BBX: variants seen among roughly 807,000 people sequenced by gnomAD.
The protein encoded by BBX is HMG box transcription factor BBX.
BBX carries 30 observed loss-of-function variants against 100.2 expected under a neutral mutation model. That is an observed-to-expected ratio of 0.30 (90% CI 0.22 to 0.41). BBX has a LOEUF of 0.41. Ranked by LOEUF, BBX falls within the 10% of genes least tolerant of loss-of-function variation. The pLI, the probability that BBX is intolerant of heterozygous loss-of-function variation, is 1.00. For missense variants in BBX, 1,023 were observed against 1,129.8 expected (o/e 0.91, Z 1.35); for synonymous variants, 376 against 388.1 (o/e 0.97, Z 0.37).
chr3:107,728,537 C>A (rs1377600076), intron 5 of BBX, among the ~76,000 whole-genome samples: 1 of 152,086 alleles, frequency 6.6e-6, no homozygotes, highest in Non-Finnish European at 1.5e-5. Context: ...TTAAATAACA[C>A]AAAGTATACA....
intron 3 of BBX, among the ~76,000 whole-genome samples, chr3:107,654,569 A>G (rs1199396480): frequency 6.6e-6 from 1 of 152,210 alleles, no homozygotes; most frequent in Admixed American, 6.5e-5. Flanking sequence ...CTAGATTGTC[A>G]GCTCCAAAAT....
intron 3 of BBX, among the ~76,000 whole-genome samples, chr3:107,680,416 G>C (rs2059510137): frequency 6.6e-6 from 1 of 152,166 alleles, no homozygotes; most frequent in African/African-American, 2.4e-5. Flanking sequence ...AGTGGTAGTA[G>C]ACATGCAGAA....
intron 5 of BBX, among the ~76,000 whole-genome samples, chr3:107,719,110 T>G (rs1390856302): frequency 6.6e-6 from 1 of 152,036 alleles, no homozygotes; most frequent in Admixed American, 6.6e-5. Flanking sequence ...TTTAACCAGG[T>G]TTTGTGATAG....
chr3:107,737,212 AG>A (rs1350600258), intron 7 of BBX, among the ~76,000 whole-genome samples: 1 of 152,074 alleles, frequency 6.6e-6, no homozygotes, highest in African/African-American at 2.4e-5. Flanking sequence ...TAGTTATTCT[AG>A]GCATTTCATA....
At chr3:107,561,045 A>G (rs1250823065) in intron 2 of BBX, among the ~76,000 whole-genome samples, 2 of 152,100 alleles carry the variant, frequency 1.3e-5, no homozygotes, top group African/African-American at 4.8e-5. Context: ...TGCTAGTACC[A>G]CTCTCATAGT....
At chr3:107,537,104 G>A (rs1364748000) in intron 2 of BBX, among the ~76,000 whole-genome samples, 1 of 152,064 alleles carries the variant, frequency 6.6e-6, no homozygotes, top group Non-Finnish European at 1.5e-5. Context: ...TTAAATAGTA[G>A]TTCATCCTTT....
At chr3:107,788,525 G>T (rs919863236) in intron 13 of BBX, among the ~76,000 whole-genome samples, 2 of 152,038 alleles carry the variant, frequency 1.3e-5, no homozygotes, top group African/African-American at 4.8e-5. Flanking sequence ...GCTCACACCT[G>T]TAATCCCAGC....
rs536837711 is a variant in BBX, at chr3:107,559,008, G to A, written c.-84+32610G>A. Among the ~76,000 whole-genome samples, 7 of 152,300 alleles carry A rather than the reference G, an allele frequency of 4.6e-5. No individual in the cohort carries two copies. The East Asian group carries it at 1.4e-3, about 29-fold the overall frequency. On this transcript the variant is annotated intron_variant, in intron 2 of 17. Coordinates refer to ENST00000325805, the MANE Select transcript of BBX (RefSeq NM_001142568.3). ...TATGTGAGAGGCTTTTTAGGCAGAA[G>A]GAATAGCCTGAGAAAAGGCATAGTG...
intron 2 of BBX, among the ~76,000 whole-genome samples, chr3:107,644,199 A>G (rs940799638): frequency 2.0e-4 from 13 of 66,198 alleles, no homozygotes; most frequent in African/African-American, 1.4e-3. Context: ...TGAGCTCCTG[A>G]AAGAACTTAC....
intron 13 of BBX, among the ~76,000 whole-genome samples, chr3:107,779,286 A>G (rs1188283592): frequency 6.6e-6 from 1 of 151,794 alleles, no homozygotes; most frequent in Non-Finnish European, 1.5e-5. Flanking sequence ...GGAGTACTAA[A>G]CATCTTGCCC....
chr3:107,744,279 A>AT (rs1315830750), intron 7 of BBX, among the ~76,000 whole-genome samples: 1 of 152,072 alleles, frequency 6.6e-6, no homozygotes, highest in African/African-American at 2.4e-5. Flanking sequence ...TAAAGATGGG[A>AT]TTTTTTAGCA....
chr3:107,703,217 T>A (rs949152417), intron 3 of BBX, among the ~76,000 whole-genome samples: 6 of 152,156 alleles, frequency 3.9e-5, no homozygotes, highest in Admixed American at 1.3e-4. Flanking sequence ...TTTGGTGACT[T>A]TTTGATTAAG....
At chr3:107,729,966 A>G (rs906527910) in intron 6 of BBX, among the ~76,000 whole-genome samples, 2 of 152,130 alleles carry the variant, frequency 1.3e-5, no homozygotes, top group Non-Finnish European at 2.9e-5. Context: ...ATGTGCCTAT[A>G]GTCCTGGCTA....
rs562951523 is a variant in BBX at position 107,523,199 on chromosome 3, A to G, written c.-156+92A>G. On this transcript the variant is annotated intron_variant, in intron 1 of 17. Transcript: ENST00000325805. ...TGCGAGCCGCCGGGCTGCAGCCCCA[A>G]GGACTCCGCGGCAGGAGCAGCGGCG... The G allele has an allele frequency of 2.9e-5, 6 of 209,552 alleles. No homozygotes were observed. In the East Asian group the frequency reaches 5.2e-4, roughly 18 times the overall value. 13.0% of individuals were successfully genotyped at this position (209,552 alleles called of 1,614,324 possible). A position where few individuals can be genotyped will look rare whatever the true frequency, so the allele number is the denominator to read the frequency against.
rs1179510723 is a variant in BBX, at chr3:107,619,439, A to C, written c.-83-26397A>C. On this transcript the variant is annotated intron_variant, in intron 2 of 17. Transcript: ENST00000325805. ...AGCTTTCTTTAACACATTTAGATCC[A>C]CAGCAGATAGTATTCTAATTTGTTT... 2.0e-5 allele frequency among the ~76,000 whole-genome samples: 3 copies of C among 152,136 alleles called. No individual in the cohort carries two copies. In the East Asian group the frequency reaches 5.8e-4, roughly 29 times the overall value.
intron 2 of BBX, among the ~76,000 whole-genome samples, chr3:107,571,873 T>C (rs1017248163): frequency 6.6e-6 from 1 of 152,236 alleles, no homozygotes; most frequent in Non-Finnish European, 1.5e-5. Flanking sequence ...TGCATGTGTA[T>C]ATGTGTGTAT....
At chr3:107,788,419 G>A (rs1167953566) in intron 13 of BBX, among the ~76,000 whole-genome samples, 2 of 152,102 alleles carry the variant, frequency 1.3e-5, no homozygotes, top group Non-Finnish European at 2.9e-5. Context: ...ACAGCATGGG[G>A]GTACTGGATG....
At chr3:107,564,280 A>G (rs1274753478) in intron 2 of BBX, among the ~76,000 whole-genome samples, 2 of 152,022 alleles carry the variant, frequency 1.3e-5, no homozygotes, top group African/African-American at 2.4e-5. Flanking sequence ...TATAGTCTGT[A>G]TATTATTTGA....
intron 2 of BBX, among the ~76,000 whole-genome samples, chr3:107,628,907 A>G (rs1490122960): frequency 6.6e-6 from 1 of 152,202 alleles, no homozygotes; most frequent in African/African-American, 2.4e-5. Context: ...GAGAAATTCT[A>G]GATAGTAAAC....
Sources: allele counts gnomAD v4.1 joint callset (sites outside exome capture counted in the v4.1 genomes callset), GRCh38; gene constraint gnomAD v4.1.1; transcripts MANE v1.5; gene names NCBI Gene and HGNC (gene_info 2026-07-23, HGNC 2026-07-21).